FAM220A: variants seen among roughly 807,000 people sequenced by gnomAD.
The protein encoded by FAM220A is protein FAM220A.
For missense variants in FAM220A, 392 were observed against 321.6 expected, an observed-to-expected ratio of 1.22 and a Z score of -1.68; for synonymous variants, 141 against 130.7, an observed-to-expected ratio of 1.08 and a Z score of -0.54.
chr7:6,342,929 C>A (rs1007653287), intron 1 of FAM220A, among the ~76,000 whole-genome samples: 1 of 151,434 alleles, frequency 6.6e-6, no homozygotes, highest in Non-Finnish European at 1.5e-5. Context: ...CCCAGCTACT[C>A]AGAAGGCTGA....
chr7:6,347,773 A>G (rs1480606576), intron 1 of FAM220A, among the ~76,000 whole-genome samples: 1 of 151,836 alleles, frequency 6.6e-6, no homozygotes, highest in Non-Finnish European at 1.5e-5. Context: ...ACGTCTATGC[A>G]GGCCAGATGT....
intron 1 of FAM220A, among the ~76,000 whole-genome samples, chr7:6,340,305 T>C (rs926434074): frequency 4.6e-5 from 7 of 152,154 alleles, no homozygotes; most frequent in African/African-American, 1.4e-4. Flanking sequence ...CAACAGCAGC[T>C]ACTATCATCA....
chr7:6,336,196 A>T lies in FAM220A; in HGVS notation c.-81-4961T>A, dbSNP rs552535757. 1.4e-3 allele frequency among the ~76,000 whole-genome samples: 206 copies of T among 150,072 alleles called. 2 individuals are homozygous for T. The highest frequency in any genetic ancestry group is 2.3e-3 in the Non-Finnish European group (153 of 67,576). ...TCAAAAAAAAAAAAAAAATTAAAAGATTAGCTGGGGGTGGTGGTGCACACC... is the reference window on the plus strand; with the variant it reads ...TCAAAAAAAAAAAAAAAATTAAAAGTTTAGCTGGGGGTGGTGGTGCACACC... On this transcript the variant is annotated intron_variant, in intron 1 of 1. Coordinates refer to ENST00000313324, the MANE Select transcript of FAM220A (RefSeq NM_001037163.2).
chr7:6,334,143 G>A lies in FAM220A; in HGVS notation c.-81-2908C>T, dbSNP rs543657969. Among the ~76,000 whole-genome samples, 8 of 151,222 alleles carry A rather than the reference G, an allele frequency of 5.3e-5. No individual in the cohort carries two copies. The East Asian group carries it at 1.2e-3, about 23-fold the overall frequency. On this transcript the variant is annotated intron_variant, in intron 1 of 1. Coordinates refer to ENST00000313324, the MANE Select transcript of FAM220A (RefSeq NM_001037163.2). ...TTACAAGCGTGAGCCACCGCACCCAGCCGAACTCCTGGTCTCTTAAGTGCT... is the reference window on the plus strand; with the variant it reads ...TTACAAGCGTGAGCCACCGCACCCAACCGAACTCCTGGTCTCTTAAGTGCT...
At chr7:6,338,686 A>G (rs1181061624) in intron 1 of FAM220A, 1 of 152,358 alleles carries the variant, frequency 6.6e-6, no homozygotes, top group Admixed American at 6.5e-5. Flanking sequence ...GACCTGCCGG[A>G]CAACAATGGC....
Position 6,330,130 on chromosome 7 carries a change from T to G in FAM220A, c.*245A>C. On this transcript the variant is annotated 3_prime_UTR_variant, in exon 2 of 2. Coordinates refer to ENST00000313324, the MANE Select transcript of FAM220A (RefSeq NM_001037163.2). Reference sequence around the variant, plus strand: ...AATCTGGTATTTATACAGGCTATGATCGTCTCCTGAAATGTTTCCCAATTC... The same window carrying G: ...AATCTGGTATTTATACAGGCTATGAGCGTCTCCTGAAATGTTTCCCAATTC... The G allele has an allele frequency of 1.9e-6, 1 of 513,750 alleles. No homozygotes were observed. The highest frequency in any genetic ancestry group is 3.5e-6 in the Non-Finnish European group (1 of 282,140). 31.8% of individuals were successfully genotyped at this position (513,750 alleles called of 1,614,324 possible). A position where few individuals can be genotyped will look rare whatever the true frequency, so the allele number is the denominator to read the frequency against.
chr7:6,333,562 G>C (rs895520304), intron 1 of FAM220A, among the ~76,000 whole-genome samples: 1 of 151,632 alleles, frequency 6.6e-6, no homozygotes, highest in Non-Finnish European at 1.5e-5. Flanking sequence ...ACAATGGCGT[G>C]ATCACAGCTC....
chr7:6,348,321 C>T (rs900244230), intron 1 of FAM220A, among the ~76,000 whole-genome samples: 4 of 152,184 alleles, frequency 2.6e-5, no homozygotes, highest in South Asian at 2.1e-4. Context: ...CATGCAGTCT[C>T]GGACCCCACC....
chr7:6,333,112 C>T (rs1434220785), intron 1 of FAM220A, among the ~76,000 whole-genome samples: 1 of 148,886 alleles, frequency 6.7e-6, no homozygotes, highest in South Asian at 2.1e-4. Context: ...AGCCGAGATC[C>T]CACCACTGCA....
chr7:6,344,345 C>G (rs1193981123), intron 1 of FAM220A, among the ~76,000 whole-genome samples: 1 of 152,260 alleles, frequency 6.6e-6, no homozygotes, highest in East Asian at 1.9e-4. Flanking sequence ...GCCAAGAAGA[C>G]AGACACCCCA....
intron 1 of FAM220A, among the ~76,000 whole-genome samples, chr7:6,343,323 T>G (rs1781898562): frequency 6.9e-6 from 1 of 145,382 alleles, no homozygotes; most frequent in Non-Finnish European, 1.5e-5. Flanking sequence ...GTTGCAGTGA[T>G]CCAAAATCAC....
chr7:6,333,399 T>C (rs774825885), intron 1 of FAM220A, among the ~76,000 whole-genome samples: 7 of 152,070 alleles, frequency 4.6e-5, no homozygotes, highest in African/African-American at 7.2e-5. Context: ...CTGCAAATGG[T>C]TCAGAATAGA....
In FAM220A at chr7:6,348,954, T is replaced by G. The variant is rs891561608; in HGVS notation, c.-463A>C. ...CCGCGAGCAGCCGCCTGTACCAGCC[T>G]GGCCGCGCAGCCTGACGTCACAAAG... On this transcript the variant is annotated 5_prime_UTR_variant, in exon 1 of 2. Coordinates refer to ENST00000313324, the MANE Select transcript of FAM220A (RefSeq NM_001037163.2). 1 of 376,308 alleles carries G rather than the reference T, an allele frequency of 2.7e-6. No individual in the cohort carries two copies. Among genetic ancestry groups the G allele is most frequent in the Non-Finnish European group, 4.7e-6 (1 of 212,746 alleles). The allele number at this position is 376,308 out of a possible 1,614,324, so 23.3% of individuals were successfully genotyped here.
At position 6,337,587 on chromosome 7, in the gene FAM220A, A is replaced by AT. The variant is rs1008396917; in HGVS notation, c.-81-6353dup. Among the ~76,000 whole-genome samples the AT allele has an allele frequency of 1.2e-4, 16 of 138,146 alleles. No homozygotes were observed. In the South Asian group the frequency reaches 1.5e-3, roughly 13 times the overall value. 90.6% of individuals were successfully genotyped at this position (138,146 alleles called of 152,430 possible). On this transcript the variant is annotated intron_variant, in intron 1 of 1. Transcript: ENST00000313324. ...AAAGTACTTTAAATACAGTACCATT[A>AT]TTTTTTTTCATTTCCTTAGCAAACT...
chr7:6,337,336 G>A (rs1202690074), intron 1 of FAM220A, among the ~76,000 whole-genome samples: 1 of 152,060 alleles, frequency 6.6e-6, no homozygotes, highest in Non-Finnish European at 1.5e-5. Context: ...TGGCCAGGCT[G>A]GTCTCTAACT....
intron 1 of FAM220A, among the ~76,000 whole-genome samples, chr7:6,335,120 T>C (rs1240369309): frequency 6.6e-6 from 1 of 151,968 alleles, no homozygotes; most frequent in African/African-American, 2.4e-5. Context: ...TGGACCGTAG[T>C]GGTGCAATCT....
rs1236422787 is a variant in FAM220A at position 6,329,446 on chromosome 7, TTTTA to T, written c.*925_*928del. ...CATATTTATTAAGCTAAAGAACAAA[TTTTA>T]TTTTTCATTTTCCCCAAACACTAAA... On this transcript the variant is annotated 3_prime_UTR_variant, in exon 2 of 2. Transcript: ENST00000313324. 3 of 152,464 alleles carry T rather than the reference TTTTA, an allele frequency of 2.0e-5. No homozygotes were observed. Among genetic ancestry groups the T allele is most frequent in the African/African-American group, 7.2e-5 (3 of 41,402 alleles). The allele number at this position is 152,464 out of a possible 1,614,324, so 9.4% of individuals were successfully genotyped here.
intron 1 of FAM220A, among the ~76,000 whole-genome samples, chr7:6,335,981 T>C (rs900848452): frequency 1.3e-5 from 2 of 152,020 alleles, no homozygotes; most frequent in African/African-American, 4.8e-5. Flanking sequence ...GAGATCAGCC[T>C]GGTCTACACG....
chr7:6,334,098 G>C (rs1005182542), intron 1 of FAM220A, among the ~76,000 whole-genome samples: 1 of 150,854 alleles, frequency 6.6e-6, no homozygotes, highest in South Asian at 2.1e-4. Context: ...CGCCCACCTT[G>C]GCCTCCCAAA....
Sources: allele counts gnomAD v4.1 joint callset (sites outside exome capture counted in the v4.1 genomes callset), GRCh38; gene constraint gnomAD v4.1.1; transcripts MANE v1.5; gene names NCBI Gene and HGNC (gene_info 2026-07-23, HGNC 2026-07-21).